Variants in DHX8 observed in about 807,000 individuals in gnomAD.
The protein encoded by DHX8 is ATP-dependent RNA helicase DHX8.
In DHX8, 67 loss-of-function variants were observed where a neutral mutation model predicts 140.7. The ratio of observed to expected loss-of-function variants is 0.48; its 90% confidence interval spans 0.39 to 0.58. DHX8 has a LOEUF of 0.58. Ranked by LOEUF, DHX8 falls within the 20% of genes least tolerant of loss-of-function variation. The pLI is 0.00. For missense variants in DHX8, 887 were observed against 1,550.7 expected, an observed-to-expected ratio of 0.57 and a Z score of 7.19; for synonymous variants, 533 against 553.2, an observed-to-expected ratio of 0.96 and a Z score of 0.51.
Position 43,525,634 on chromosome 17 carries a change from GTT to G in DHX8, c.*1790_*1791del, listed in dbSNP as rs1567701753. 1 of 985,324 alleles carries G rather than the reference GTT, an allele frequency of 1.0e-6. No homozygotes were observed. Among genetic ancestry groups the G allele is most frequent in the Non-Finnish European group, 1.2e-6 (1 of 829,980 alleles). 61.0% of individuals were successfully genotyped at this position (985,324 alleles called of 1,614,324 possible). A position where few individuals can be genotyped will look rare whatever the true frequency, so the allele number is the denominator to read the frequency against. On this transcript the variant is annotated 3_prime_UTR_variant, in exon 23 of 23. Transcript: ENST00000262415. ...ACTGGGCACCCACCTCCCCAATCTC[GTT>G]TTGTTTTTGTTTTTGTTAAGACAGG...
intron 3 of DHX8, among the ~76,000 whole-genome samples, chr17:43,542,331 C>A (rs1391155592): frequency 1.3e-5 from 2 of 152,162 alleles, no homozygotes; most frequent in Non-Finnish European, 2.9e-5. Flanking sequence ...AATCCACAGA[C>A]CTGAGCCTCA....
At chr17:43,494,243 T>A (rs1335397086) in intron 8 of DHX8, among the ~76,000 whole-genome samples, 3 of 152,176 alleles carry the variant, frequency 2.0e-5, no homozygotes, top group African/African-American at 7.2e-5. Flanking sequence ...GCCTCCATGA[T>A]TCAGTTACCG....
Position 43,508,813 on chromosome 17 carries a change from G to A in DHX8, c.2502+293G>A, listed in dbSNP as rs559765843. 2.2e-3 allele frequency among the ~76,000 whole-genome samples: 332 copies of A among 152,066 alleles called. 2 individuals are homozygous for A. Among genetic ancestry groups the A allele is most frequent in the African/African-American group, 7.6e-3 (314 of 41,454 alleles). Reference sequence around the variant, plus strand: ...TTTTTGTATTTTTAGTAGAGACGGGGTTTCACCGTGTTAGCCAGTATGGTC... The same window carrying A: ...TTTTTGTATTTTTAGTAGAGACGGGATTTCACCGTGTTAGCCAGTATGGTC... On this transcript the variant is annotated intron_variant, in intron 16 of 22. Transcript: ENST00000262415.
chr17:43,533,220 G>C, intron 2 of DHX8: 5 of 1,614,040 alleles, frequency 3.1e-6, no homozygotes, highest in South Asian at 1.1e-5. Flanking sequence ...GCCAGGGTGG[G>C]GCTGGGAGGT....
chr17:43,526,022 C>G (rs1372899416), downstream of DHX8: 1 of 985,400 alleles, frequency 1.0e-6, no homozygotes. Flanking sequence ...GACCATCTCT[C>G]TACGCTAGAG....
At chr17:43,522,980 T>C (rs932976334) in intron 22 of DHX8, among the ~76,000 whole-genome samples, 1 of 150,066 alleles carries the variant, frequency 6.7e-6, no homozygotes, top group African/African-American at 2.5e-5. Flanking sequence ...TGAGAATAGC[T>C]TGAACCCGGG....
At chr17:43,536,256 G>A in intron 2 of DHX8, 1 of 680,306 alleles carries the variant, frequency 1.5e-6, no homozygotes, top group South Asian at 1.7e-5. Flanking sequence ...AACATGTCAA[G>A]CCCCAGATTT....
intron 11 of DHX8, among the ~76,000 whole-genome samples, chr17:43,503,226 G>A (rs1261311751): frequency 1.3e-5 from 2 of 152,132 alleles, no homozygotes; most frequent in East Asian, 3.9e-4. Flanking sequence ...GTCCAGGCAT[G>A]GTGGCTCATG....
In DHX8 at chr17:43,489,605, T is replaced by G. The variant is rs1027996454; in HGVS notation, c.234+71T>G. On this transcript the variant is annotated intron_variant, in intron 2 of 22. Coordinates refer to ENST00000262415, the MANE Select transcript of DHX8 (RefSeq NM_004941.3). ...TTTATGTTTGTTTGTTTGTTTTTTTTTTTGAGACAGAGTTTTGCTCTGTCG... is the reference window on the plus strand; with the variant it reads ...TTTATGTTTGTTTGTTTGTTTTTTTGTTTGAGACAGAGTTTTGCTCTGTCG... 15 of 1,239,710 alleles carry G rather than the reference T, an allele frequency of 1.2e-5. No homozygotes were observed. The East Asian group carries it at 1.5e-4, about 12-fold the overall frequency. 76.8% of individuals were successfully genotyped at this position (1,239,710 alleles called of 1,614,324 possible).
chr17:43,493,072 T>A, intron 6 of DHX8, 32 bp downstream of exon 6: 1 of 1,585,016 alleles, frequency 6.3e-7, no homozygotes, highest in African/African-American at 1.4e-5. Flanking sequence ...TTCACACCAG[T>A]GATGGGCAGA....
At chr17:43,508,247 G>A (rs1262694423) in intron 15 of DHX8, 92 bp from the exon 16 acceptor site, 4 of 1,499,240 alleles carry the variant, frequency 2.7e-6, no homozygotes, top group Middle Eastern at 2.0e-4. Flanking sequence ...CATATGTTCT[G>A]TTATTTGAAG....
At chr17:43,496,594 A>G (rs1968873921) in intron 9 of DHX8, among the ~76,000 whole-genome samples, 1 of 152,136 alleles carries the variant, frequency 6.6e-6, no homozygotes, top group African/African-American at 2.4e-5. Context: ...CCTGGCCAAC[A>G]TGGTGAAACC....
At chr17:43,520,109 C>G (rs772033661) in intron 18 of DHX8, 21 bp from the exon 19 acceptor site, 1 of 1,613,784 alleles carries the variant, frequency 6.2e-7, no homozygotes, top group Non-Finnish European at 8.5e-7. Context: ...TTATCACATG[C>G]CTTCTTCCTT....
rs746637066 is a variant in DHX8 at position 43,496,264 on chromosome 17, A to G, written c.1296A>G (p.Glu432=). 4 of 1,611,440 alleles carry G rather than the reference A, an allele frequency of 2.5e-6. No homozygotes were observed. The East Asian group carries it at 8.9e-5, about 36-fold the overall frequency. The change falls in exon 9 of 23, where the codon GAA becomes GAG. Residue 432 remains glutamate (E), a synonymous_variant. Coordinates refer to ENST00000262415, the MANE Select transcript of DHX8 (RefSeq NM_004941.3). ...ETGILPKVDD[E]EDEDLEIELV... ...GCATTCTCCCTAAGGTGGATGATGA[A>G]GAAGGTAACTAGTCAGTTGGATCGA...
intron 12 of DHX8, 122 bp downstream of exon 12, chr17:43,504,947 A>C: frequency 1.1e-6 from 1 of 928,126 alleles, no homozygotes; most frequent in East Asian, 2.7e-5. Flanking sequence ...CATCCAAAAG[A>C]GTTAAGAAAG....
chr17:43,527,617 A>G (rs1187534346), downstream of DHX8, among the ~76,000 whole-genome samples: 1 of 152,236 alleles, frequency 6.6e-6, no homozygotes, highest in African/African-American at 2.4e-5. Flanking sequence ...CCCCCTGTCC[A>G]TTATTTCTGG....
chr17:43,524,720 T>C lies in DHX8; in HGVS notation c.*873T>C, dbSNP rs1440406480. On this transcript the variant is annotated 3_prime_UTR_variant, in exon 23 of 23. Transcript: ENST00000262415. ...ATACTAAGTAACAACACAGCTTTTA[T>C]TTTATTTTGTTTTTATTTTTTTCCC... is the stretch of plus-strand genomic sequence containing the variant. 2.0e-6 allele frequency: 2 copies of C among 985,318 alleles called. No homozygotes were observed. Among genetic ancestry groups the C allele is most frequent in the African/African-American group, 3.5e-5 (2 of 57,234 alleles). 61.0% of individuals were successfully genotyped at this position (985,318 alleles called of 1,614,324 possible).
intron 6 of DHX8, 36 bp downstream of exon 6, chr17:43,493,076 G>A (rs749357892): frequency 9.5e-6 from 15 of 1,580,564 alleles, no homozygotes; most frequent in South Asian, 9.1e-5. Context: ...CACCAGTGAT[G>A]GGCAGAATTT....
Position 43,523,930 on chromosome 17 carries a change from G to A in DHX8, c.*83G>A. 1 of 1,567,228 alleles carries A rather than the reference G, an allele frequency of 6.4e-7. No individual in the cohort carries two copies. ...ATGACAGGCTGGTCCTGAGGATACA[G>A]CTGTCCCGTGACTGACTGTCTTAAC... On this transcript the variant is annotated 3_prime_UTR_variant, in exon 23 of 23. Transcript: ENST00000262415.
Sources: allele counts gnomAD v4.1 joint callset (sites outside exome capture counted in the v4.1 genomes callset), GRCh38; gene constraint gnomAD v4.1.1; transcripts MANE v1.5; gene names NCBI Gene and HGNC (gene_info 2026-07-23, HGNC 2026-07-21).